Variants in WDR59 observed in about 807,000 individuals in gnomAD.
WDR59 encodes the protein GATOR2 complex protein WDR59.
In WDR59, 100 loss-of-function variants were observed where a neutral mutation model predicts 131.2. The observed-to-expected ratio is 0.76, with a 90% CI of 0.65 to 0.90. WDR59 has a LOEUF of 0.90. WDR59 is among the 40% of genes least tolerant of loss of function. WDR59 has a pLI of 0.00. For missense variants in WDR59, 1,203 were observed against 1,262.2 expected (o/e 0.95, Z 0.71); for synonymous variants, 601 against 466.2 (o/e 1.29, Z -3.72).
intron 25 of WDR59, among the ~76,000 whole-genome samples, chr16:74,879,214 C>G (rs143497206): frequency 6.6e-6 from 1 of 152,026 alleles, no homozygotes; most frequent in Non-Finnish European, 1.5e-5. Context: ...AAAAATTAGC[C>G]GGGCATGATG....
intron 25 of WDR59, among the ~76,000 whole-genome samples, chr16:74,880,186 G>A (rs760901525): frequency 2.0e-5 from 3 of 152,126 alleles, no homozygotes; most frequent in Non-Finnish European, 2.9e-5. Context: ...AGTGGCTCAC[G>A]CCTGTAATCC....
chr16:74,959,679 G>A (rs1489917650), intron 2 of WDR59: 1 of 333,736 alleles, frequency 3.0e-6, no homozygotes, highest in African/African-American at 2.3e-5. Flanking sequence ...CTACTGAGAA[G>A]GCTGAGATGG....
chr16:74,875,167 A>C (rs1421069870), intron 25 of WDR59, among the ~76,000 whole-genome samples: 2 of 152,196 alleles, frequency 1.3e-5, no homozygotes, highest in African/African-American at 4.8e-5. Context: ...CCCACTCGCC[A>C]CTGGCCCAAG....
At chr16:74,963,421 G>C (rs1362171745) in intron 2 of WDR59, among the ~76,000 whole-genome samples, 2 of 152,106 alleles carry the variant, frequency 1.3e-5, no homozygotes, top group African/African-American at 4.8e-5. Context: ...AAAAAGGAAA[G>C]AGATCATGTA....
chr16:74,970,144 A>G (rs2033923538), intron 1 of WDR59, among the ~76,000 whole-genome samples: 1 of 152,066 alleles, frequency 6.6e-6, no homozygotes, highest in African/African-American at 2.4e-5. Context: ...AGGCTAGTCT[A>G]GAACTCCTTT....
At chr16:74,958,469 T>C (rs2033399759) in intron 2 of WDR59, among the ~76,000 whole-genome samples, 1 of 150,648 alleles carries the variant, frequency 6.6e-6, no homozygotes, top group South Asian at 2.1e-4. Context: ...GGCAGGCACC[T>C]GTAATCCCAG....
At chr16:74,886,459 A>C in intron 23 of WDR59, 63 bp from the exon 24 acceptor site, 1 of 1,588,854 alleles carries the variant, frequency 6.3e-7, no homozygotes, top group South Asian at 1.1e-5. Context: ...ATATCTGAAG[A>C]GTCTCATAAG....
intron 3 of WDR59, 104 bp downstream of exon 3, chr16:74,956,371 A>G: frequency 7.1e-7 from 1 of 1,401,478 alleles, no homozygotes. Context: ...TCTTTTCCAA[A>G]TGAGCAATGA....
chr16:74,909,855 C>A lies in WDR59; in HGVS notation c.1452G>T (p.Leu484=), dbSNP rs1374746897. The A allele has an allele frequency of 6.2e-7, 1 of 1,612,828 alleles. No individual in the cohort carries two copies. The change falls in exon 15 of 26, where the codon CTG becomes CTT. Residue 484 remains leucine, a synonymous_variant. Transcript: ENST00000262144. The part of the protein sequence containing the change: ...KRGQSCLEPC[L]RQLVSCLESF... ...ACTCAAGGCAGGAGACGAGCTGGCG[C>A]AGGCAGGGCTCCAGGCAGCTCTGGC...
chr16:74,886,900 C>G lies in WDR59; in HGVS notation c.2420-504G>C, dbSNP rs139901029. 3.8e-3 allele frequency among the ~76,000 whole-genome samples: 583 copies of G among 151,822 alleles called. 4 individuals are homozygous for G. The highest frequency in any genetic ancestry group is 0.013 in the African/African-American group (551 of 41,374). The stretch of plus-strand genomic sequence containing the variant: ...ATCATGCCATTGCACTCCAGCCTGG[C>G]GACAGAGCAAGAGTCCATCTCAAAA... On this transcript the variant is annotated intron_variant, in intron 23 of 25. Transcript: ENST00000262144.
intron 19 of WDR59, 134 bp downstream of exon 19, chr16:74,893,545 G>T: frequency 3.2e-6 from 3 of 929,344 alleles, no homozygotes; most frequent in Non-Finnish European, 4.6e-6. Flanking sequence ...TTTGTCCACA[G>T]CAACAGAAAG....
chr16:74,956,732 A>C, intron 2 of WDR59, 122 bp from the exon 3 acceptor site: 29 of 1,210,662 alleles, frequency 2.4e-5, no homozygotes, highest in Non-Finnish European at 3.3e-5. Flanking sequence ...CCAAACACAC[A>C]TGGCATTTAT....
chr16:74,877,237 AACACACAC>A (rs149888165), intron 25 of WDR59, among the ~76,000 whole-genome samples: 1 of 151,468 alleles, frequency 6.6e-6, no homozygotes, highest in East Asian at 1.9e-4. Flanking sequence ...TATATCTCAA[AACACACAC>A]ACACACACAA....
chr16:74,969,273 A>G (rs922092082), intron 1 of WDR59, among the ~76,000 whole-genome samples: 3 of 152,028 alleles, frequency 2.0e-5, no homozygotes, highest in Non-Finnish European at 4.4e-5. Flanking sequence ...TATATTATAC[A>G]TATTTGTTTT....
chr16:74,973,334 C>G (rs1001630889), intron 1 of WDR59, among the ~76,000 whole-genome samples: 2 of 152,138 alleles, frequency 1.3e-5, no homozygotes, highest in African/African-American at 4.8e-5. Flanking sequence ...CGGTCTCTCT[C>G]CATCACCCCA....
At chr16:74,888,135 A>T in intron 22 of WDR59, 34 bp downstream of exon 22, 1 of 1,549,578 alleles carries the variant, frequency 6.5e-7, no homozygotes, top group Non-Finnish European at 8.7e-7. Context: ...AAAAAAAAAA[A>T]AAATCAGACA....
chr16:74,935,924 G>C (rs925914574), intron 8 of WDR59, among the ~76,000 whole-genome samples: 1 of 151,588 alleles, frequency 6.6e-6, no homozygotes, highest in Non-Finnish European at 1.5e-5. Context: ...TTGAACCTGG[G>C]AGACGGAGGT....
At chr16:74,889,669 C>G in intron 21 of WDR59, 34 bp downstream of exon 21, 1 of 1,554,324 alleles carries the variant, frequency 6.4e-7, no homozygotes, top group Non-Finnish European at 8.8e-7. Context: ...ATGGACATCA[C>G]TCATTTTTCT....
intron 1 of WDR59, 47 bp downstream of exon 1, chr16:74,984,917 G>A (rs1047277299): frequency 1.2e-5 from 19 of 1,587,926 alleles, no homozygotes; most frequent in Non-Finnish European, 1.6e-5. Flanking sequence ...GGGAGGGGAA[G>A]CGGGGAGGAC....
Sources: gnomAD v4.1 joint callset for allele counts (sites outside exome capture counted in the v4.1 genomes callset) on GRCh38, gnomAD v4.1.1 for gene constraint, MANE v1.5 for transcripts, NCBI Gene and HGNC (gene_info 2026-07-23, HGNC 2026-07-21) for gene names.